TMEM233: variants seen among roughly 807,000 people sequenced by gnomAD.
TMEM233 encodes the protein transmembrane protein 233, also known as dispanin subfamily B member 2.
In TMEM233, 6 loss-of-function variants were observed where a neutral mutation model predicts 11.2. The ratio of observed to expected loss-of-function variants is 0.54; its 90% CI spans 0.29 to 1.06. The LOEUF (loss-of-function observed/expected upper bound fraction) is 1.06, where lower values mean the gene tolerates loss of function less well. Ranked by LOEUF, TMEM233 falls within the 50% of genes least tolerant of loss-of-function variation. TMEM233 has a pLI of 0.08. For missense variants in TMEM233, 127 were observed against 144.7 expected (o/e 0.88, Z 0.63); for synonymous variants, 59 against 55.8 (o/e 1.06, Z -0.26).
intron 1 of TMEM233, among the ~76,000 whole-genome samples, chr12:119,609,117 T>C (rs1409342197): frequency 6.6e-6 from 1 of 152,186 alleles, no homozygotes; most frequent in East Asian, 1.9e-4. Context: ...AAAATGCTGA[T>C]AGTGATATGA....
intron 1 of TMEM233, among the ~76,000 whole-genome samples, chr12:119,596,487 C>CTTTTTTTTT (rs34129084): frequency 3.3e-5 from 3 of 90,384 alleles, no homozygotes; most frequent in African/African-American, 9.0e-5. Flanking sequence ...AAGTTTGTAT[C>CTTTTTTTTT]TTTTTTTTTT....
chr12:119,649,123 C>A, the TMEM233 span, among the ~76,000 whole-genome samples: 1 of 152,080 alleles, frequency 6.6e-6, no homozygotes, highest in East Asian at 1.9e-4. Context: ...CATGGTGAAA[C>A]CCAATGTCTA....
Position 119,596,996 on chromosome 12 carries a change from CAG to C in TMEM233, c.186+2964_186+2965del, listed in dbSNP as rs966096397. 1.4e-4 allele frequency among the ~76,000 whole-genome samples: 22 copies of C among 152,258 alleles called. No homozygotes were observed. In the East Asian group the frequency reaches 1.7e-3, roughly 12 times the overall value. On this transcript the variant is annotated intron_variant, in intron 1 of 2. Transcript: ENST00000426426. ...ATATCATGTTACATATAAAAACAAA[CAG>C]AAATTCTAAACAGTGTGTCCTACAC...
At position 119,602,379 on chromosome 12, in the gene TMEM233, A is replaced by G. The variant is rs117935726; in HGVS notation, c.186+8345A>G. 5.9e-3 allele frequency among the ~76,000 whole-genome samples: 897 copies of G among 152,270 alleles called. 2 individuals are homozygous for G. Among genetic ancestry groups the G allele is most frequent in the South Asian group, 0.011 (55 of 4,826 alleles). On this transcript the variant is annotated intron_variant, in intron 1 of 2. Coordinates refer to ENST00000426426, the MANE Select transcript of TMEM233 (RefSeq NM_001136534.3). ...GGATCTCTCCCTGTCACTTCTCCCA[A>G]TGTTCTCTGGCTCTTTCCACAGCTG...
chr12:119,604,317 CT>C (rs1566098170), intron 1 of TMEM233, among the ~76,000 whole-genome samples: 2 of 152,304 alleles, frequency 1.3e-5, no homozygotes, highest in Admixed American at 6.5e-5. Flanking sequence ...AAAGTTAAGT[CT>C]TTTCTTTCCT....
At position 119,593,862 on chromosome 12, in the gene TMEM233, C is replaced by T. The variant is rs1456213913; in HGVS notation, c.14C>T (p.Ala5Val). 5.8e-6 allele frequency: 9 copies of T among 1,551,530 alleles called. No homozygotes were observed. The highest frequency in any genetic ancestry group is 4.1e-5 in the African/African-American group (3 of 73,074). The change falls in exon 1 of 3, where the codon GCC becomes GTC. Residue 5 changes from alanine (A) to valine (V), a missense_variant. Physicochemically the swap from Ala to Val is moderately conservative, Grantham distance 64. Transcript: ENST00000426426. The surrounding 1 kb of genome is among the most constrained non-coding windows in gnomAD (Gnocchi z 4.1). MSQY[A>V]PSPDFKRALD... ...CCGGCCTCGCCCATGTCTCAGTACG[C>T]CCCTAGCCCGGACTTCAAGAGGGCT...
chr12:119,594,192 C>T lies in TMEM233; in HGVS notation c.186+158C>T, dbSNP rs536468617. Reference sequence around the variant, plus strand: ...GCACCTCCTCCTCACCTTTCTCGGGCTCTCAGAGCTCTCCCCGCAATCATC... The same window carrying T: ...GCACCTCCTCCTCACCTTTCTCGGGTTCTCAGAGCTCTCCCCGCAATCATC... On this transcript the variant is annotated intron_variant, in intron 1 of 2. Coordinates refer to ENST00000426426, the MANE Select transcript of TMEM233 (RefSeq NM_001136534.3). This position sits in a 1 kb window ranked among gnomAD's most constrained non-coding sequence, Gnocchi z 5.6. 18 of 679,448 alleles carry T rather than the reference C, an allele frequency of 2.6e-5. No homozygotes were observed. The East Asian group carries it at 4.6e-4, about 17-fold the overall frequency. 42.1% of individuals were successfully genotyped at this position (679,448 alleles called of 1,614,324 possible). A position where few individuals can be genotyped will look rare whatever the true frequency, so the allele number is the denominator to read the frequency against.
chr12:119,616,591 A>G (rs552212862), intron 1 of TMEM233, among the ~76,000 whole-genome samples: 1 of 152,360 alleles, frequency 6.6e-6, no homozygotes, highest in East Asian at 1.9e-4. Context: ...AAGGAGTCAC[A>G]GGGAGAATTT....
downstream of TMEM233, among the ~76,000 whole-genome samples, chr12:119,645,986 A>G (rs1955146722): frequency 6.6e-6 from 1 of 152,178 alleles, no homozygotes; most frequent in African/African-American, 2.4e-5. Context: ...AAGAGGACCT[A>G]AAGCACGCCT....
At chr12:119,603,043 G>T (rs978292471) in intron 1 of TMEM233, among the ~76,000 whole-genome samples, 1 of 152,040 alleles carries the variant, frequency 6.6e-6, no homozygotes, top group Non-Finnish European at 1.5e-5. Flanking sequence ...CCACCTGAGT[G>T]CAGAAGCTCG....
intron 1 of TMEM233, among the ~76,000 whole-genome samples, chr12:119,621,717 C>T (rs892438385): frequency 6.6e-6 from 1 of 152,182 alleles, no homozygotes. Context: ...CAGTGTCTGG[C>T]ATATACTAAA....
At chr12:119,633,731 T>A (rs1954927639) in intron 2 of TMEM233, among the ~76,000 whole-genome samples, 1 of 152,262 alleles carries the variant, frequency 6.6e-6, no homozygotes, top group Admixed American at 6.5e-5. Context: ...CAATTCTCTC[T>A]TCCAGGTAAC....
At chr12:119,617,250 GA>G (rs1333315639) in intron 1 of TMEM233, among the ~76,000 whole-genome samples, 3 of 152,206 alleles carry the variant, frequency 2.0e-5, no homozygotes, top group African/African-American at 7.2e-5. Context: ...ACTTCTTAGA[GA>G]CTTGTTGAAT....
rs934190165 is a variant in TMEM233, at chr12:119,634,338, G to A, written c.323+4466G>A. 6.3e-5 allele frequency: 58 copies of A among 926,352 alleles called. No individual in the cohort carries two copies. The East Asian group carries it at 1.2e-3, about 19-fold the overall frequency. The allele number at this position is 926,352 out of a possible 1,614,324, so 57.4% of individuals were successfully genotyped here. On this transcript the variant is annotated intron_variant, in intron 2 of 2. Transcript: ENST00000426426. ...CCAAAATGCTGTCTCGGGGCTGGGTGTGGTGGCTCACACCTGTAATCCAAT... is the reference window on the plus strand; with the variant it reads ...CCAAAATGCTGTCTCGGGGCTGGGTATGGTGGCTCACACCTGTAATCCAAT...
intron 1 of TMEM233, among the ~76,000 whole-genome samples, chr12:119,601,727 C>A (rs1021898301): frequency 2.6e-5 from 4 of 151,086 alleles, no homozygotes; most frequent in Non-Finnish European, 5.9e-5. Flanking sequence ...TTTGCAACTT[C>A]AATTCTAGAC....
the TMEM233 span, among the ~76,000 whole-genome samples, chr12:119,651,719 C>A: frequency 1.3e-5 from 2 of 150,012 alleles, no homozygotes; most frequent in South Asian, 2.1e-4. Flanking sequence ...CCCAGCTACT[C>A]GGGAGGCTGA....
intron 1 of TMEM233, among the ~76,000 whole-genome samples, chr12:119,600,022 T>A (rs1954128278): frequency 6.6e-6 from 1 of 151,996 alleles, no homozygotes; most frequent in Non-Finnish European, 1.5e-5. Flanking sequence ...GAAAAAATCT[T>A]TAGGAGTCCT....
At position 119,595,620 on chromosome 12, in the gene TMEM233, C is replaced by T. The variant is rs576600630; in HGVS notation, c.186+1586C>T. Among the ~76,000 whole-genome samples the T allele has an allele frequency of 6.6e-6, 1 of 152,258 alleles. No individual in the cohort carries two copies. The highest frequency in any genetic ancestry group is 2.1e-4 in the South Asian group (1 of 4,820). On this transcript the variant is annotated intron_variant, in intron 1 of 2. Transcript: ENST00000426426. This position sits in a 1 kb window ranked among gnomAD's most constrained non-coding sequence, Gnocchi z 4.3. ...CTTTGTAAAACCAGAATAATCATAGCCATGTTTCTTGGGGTTGTTGGGAGC... is the reference window on the plus strand; with the variant it reads ...CTTTGTAAAACCAGAATAATCATAGTCATGTTTCTTGGGGTTGTTGGGAGC...
chr12:119,651,401 C>A, the TMEM233 span, among the ~76,000 whole-genome samples: 1 of 152,190 alleles, frequency 6.6e-6, no homozygotes, highest in Non-Finnish European at 1.5e-5. Context: ...CCACTGTATT[C>A]TTACTGTAAC....
Sources: gnomAD v4.1 joint callset for allele counts (sites outside exome capture counted in the v4.1 genomes callset) on GRCh38, gnomAD v4.1.1 for gene constraint, Gnocchi (gnomAD v3.1) non-coding constraint, MANE v1.5 for transcripts, NCBI Gene and HGNC (gene_info 2026-07-23, HGNC 2026-07-21) for gene names.